The following TSHZ2 variants were observed in gnomAD, a reference collection of about 807,000 sequenced individuals.
The protein encoded by TSHZ2 is teashirt homolog 2.
In TSHZ2, 21 loss-of-function variants were observed where a neutral mutation model predicts 74.4. The ratio of observed to expected loss-of-function variants is 0.28; its 90% CI spans 0.20 to 0.41. TSHZ2 has a LOEUF of 0.41. Ranked by LOEUF, TSHZ2 falls within the 10% of genes least tolerant of loss-of-function variation. The probability of loss-of-function intolerance (pLI) is 1.00; values close to 1 mark genes in which losing one functional copy is unlikely to be tolerated. For synonymous variants in TSHZ2, 540 were observed against 515.3 expected, an observed-to-expected ratio of 1.05 and a Z score of -0.65; for missense variants, 1,244 against 1,293.5, an observed-to-expected ratio of 0.96 and a Z score of 0.59.
chr20:53,309,613 T>C (rs1192922958), intron 2 of TSHZ2, among the ~76,000 whole-genome samples: 1 of 152,216 alleles, frequency 6.6e-6, no homozygotes, highest in Non-Finnish European at 1.5e-5. Context: ...TTCCAGTATA[T>C]GTCATGTACA....
chr20:53,456,178 C>G (rs1276285801), intron 2 of TSHZ2, among the ~76,000 whole-genome samples: 83 of 150,582 alleles, frequency 5.5e-4, no homozygotes, highest in Non-Finnish European at 7.3e-4. Context: ...GTCCCACCAA[C>G]AGTGTAAAAG....
At chr20:52,994,764 CACG>C (rs78273373) in intron 1 of TSHZ2, among the ~76,000 whole-genome samples, 1,752 of 152,230 alleles carry the variant, frequency 0.012, 21 homozygotes, top group Non-Finnish European at 0.019. Context: ...CACTGCTCAC[CACG>C]ACCTCTAATC....
chr20:53,041,468 G>A (rs1286871453), intron 1 of TSHZ2, among the ~76,000 whole-genome samples: 1 of 152,202 alleles, frequency 6.6e-6, no homozygotes, highest in African/African-American at 2.4e-5. Flanking sequence ...TGATCCGCCA[G>A]TTCTGGGTCA....
chr20:53,144,324 G>A (rs6097257), intron 1 of TSHZ2, among the ~76,000 whole-genome samples: 14,718 of 152,178 alleles, frequency 0.097, 1,933 homozygotes, highest in African/African-American at 0.3. Context: ...GGCTGTTATC[G>A]TCTTTATTTC....
chr20:53,436,539 A>ATTTTTTTTTTTTTTTTT (rs1368192791), intron 2 of TSHZ2, among the ~76,000 whole-genome samples: 6 of 89,992 alleles, frequency 6.7e-5, no homozygotes, highest in Admixed American at 1.3e-4. Context: ...TATTATTATT[A>ATTTTTTTTTTTTTTTTT]TTATTATTAT....
intron 1 of TSHZ2, among the ~76,000 whole-genome samples, chr20:53,209,602 G>C (rs1016779601): frequency 6.6e-6 from 1 of 152,204 alleles, no homozygotes; most frequent in Non-Finnish European, 1.5e-5. Flanking sequence ...GCCCTACCCT[G>C]CTGAGGTTTT....
rs564691589 is a variant in TSHZ2 at position 53,425,771 on chromosome 20, G to C, written c.*9-61373G>C. On this transcript the variant is annotated intron_variant, in intron 2 of 2. Transcript: ENST00000371497. ...TGTGAACACTGAAATTTGAATTGCA[G>C]GTAGTGTTTATGTCATAAAACGTTC... Among the ~76,000 whole-genome samples, 83 of 151,946 alleles carry C rather than the reference G, an allele frequency of 5.5e-4. 2 individuals are homozygous for C. The highest frequency in any genetic ancestry group is 6.8e-3 in the Middle Eastern group (2 of 292).
intron 1 of TSHZ2, among the ~76,000 whole-genome samples, chr20:53,118,800 G>A (rs1056945809): frequency 6.6e-6 from 1 of 152,114 alleles, no homozygotes; most frequent in Non-Finnish European, 1.5e-5. Context: ...TTCTCACATT[G>A]CTTTAAAGCG....
intron 2 of TSHZ2, among the ~76,000 whole-genome samples, chr20:53,436,331 C>T (rs542493541): frequency 2.6e-5 from 4 of 152,018 alleles, no homozygotes; most frequent in African/African-American, 4.8e-5. Context: ...CAAGAAACTA[C>T]GCTAGTCAGT....
chr20:53,307,776 G>A (rs1482018506), intron 2 of TSHZ2, among the ~76,000 whole-genome samples: 1 of 152,128 alleles, frequency 6.6e-6, no homozygotes, highest in African/African-American at 2.4e-5. Flanking sequence ...TTCCATTATG[G>A]CCACGGATAT....
At chr20:53,154,336 A>G (rs1001583590) in intron 1 of TSHZ2, among the ~76,000 whole-genome samples, 13 of 152,218 alleles carry the variant, frequency 8.5e-5, no homozygotes, top group African/African-American at 3.1e-4. Flanking sequence ...CATTGCTCCT[A>G]TGTATGATTC....
At chr20:53,001,228 G>GTGTGTGTGTA (rs1982418436) in intron 1 of TSHZ2, among the ~76,000 whole-genome samples, 1 of 143,384 alleles carries the variant, frequency 7.0e-6, no homozygotes, top group African/African-American at 2.7e-5. Context: ...GTGTGTGTGT[G>GTGTGTGTGTA]TGTGTGTGTG....
chr20:53,111,550 CAA>C (rs1986534800), intron 1 of TSHZ2, among the ~76,000 whole-genome samples: 1 of 152,116 alleles, frequency 6.6e-6, no homozygotes, highest in Admixed American at 6.5e-5. Context: ...AATGGAAAAG[CAA>C]GTCAGGTGGC....
chr20:53,155,948 T>C (rs1282855729), intron 1 of TSHZ2, among the ~76,000 whole-genome samples: 1 of 152,228 alleles, frequency 6.6e-6, no homozygotes, highest in Non-Finnish European at 1.5e-5. Flanking sequence ...TAATTAGGTA[T>C]TGGCTAATTA....
intron 1 of TSHZ2, among the ~76,000 whole-genome samples, chr20:53,022,288 TA>T (rs1166352587): frequency 1.3e-5 from 2 of 152,254 alleles, no homozygotes; most frequent in African/African-American, 4.8e-5. Flanking sequence ...TATGTATATT[TA>T]ACACAGATCT....
chr20:53,346,641 C>T (rs1017255739), intron 2 of TSHZ2, among the ~76,000 whole-genome samples: 1 of 152,142 alleles, frequency 6.6e-6, no homozygotes, highest in African/African-American at 2.4e-5. Context: ...GGTTGAGGGC[C>T]CCGTCTAGGG....
intron 1 of TSHZ2, among the ~76,000 whole-genome samples, chr20:53,217,791 TAC>T (rs780401432): frequency 1.3e-4 from 20 of 152,250 alleles, no homozygotes; most frequent in Admixed American, 5.9e-4. Context: ...ACCCCTGGTT[TAC>T]ACAGAGTTAT....
intron 1 of TSHZ2, among the ~76,000 whole-genome samples, chr20:53,146,435 G>GCA (rs1205865821): frequency 6.6e-6 from 1 of 152,136 alleles, no homozygotes; most frequent in Non-Finnish European, 1.5e-5. Flanking sequence ...CAGCACTTTG[G>GCA]CACACACACT....
At chr20:53,045,704 T>C (rs938380694) in intron 1 of TSHZ2, among the ~76,000 whole-genome samples, 11 of 152,202 alleles carry the variant, frequency 7.2e-5, no homozygotes, top group African/African-American at 2.7e-4. Flanking sequence ...CCCTTATGGC[T>C]GAGTGGATTT....
Sources: gnomAD v4.1 joint callset for allele counts (sites outside exome capture counted in the v4.1 genomes callset) on GRCh38, gnomAD v4.1.1 for gene constraint, MANE v1.5 for transcripts, NCBI Gene and HGNC (gene_info 2026-07-23, HGNC 2026-07-21) for gene names.